Variants in ZNF236 observed in about 807,000 individuals in gnomAD.
The protein encoded by ZNF236 is regulated by glucose.
ZNF236 carries 50 observed loss-of-function variants against 191.2 expected under a neutral mutation model. That is an observed-to-expected ratio of 0.26 (90% confidence interval 0.21 to 0.33). ZNF236 has a LOEUF of 0.33. Among genes scored for constraint, ZNF236 ranks in the 10% least tolerant of loss-of-function variants. The pLI is 1.00. For synonymous variants in ZNF236, 907 were observed against 928.8 expected (o/e 0.98, Z 0.43); for missense variants, 1,754 against 2,374.5 (o/e 0.74, Z 5.43).
At chr18:76,829,356 C>T (rs1251979002) in intron 1 of ZNF236, among the ~76,000 whole-genome samples, 6 of 146,622 alleles carry the variant, frequency 4.1e-5, no homozygotes, top group African/African-American at 1.5e-4. Flanking sequence ...TGGACGGAGT[C>T]TCGCTCTGTC....
chr18:76,899,180 C>T lies in ZNF236; in HGVS notation c.1852C>T (p.Pro618Ser), dbSNP rs375766383. 2.5e-6 allele frequency: 4 copies of T among 1,613,942 alleles called. No individual in the cohort carries two copies. The African/African-American group carries it at 4.0e-5, about 16-fold the overall frequency. ...TGTTGGCAAGACGAATATTCCAGTC[C>T]CTGATATTCCTTTGCAGGAACCAAT... The part of the protein sequence containing the change: ...VRVGKTNIPV[P>S]DIPLQEPILI... Residue 618 changes from proline to serine, a missense_variant, in exon 11 of 31, where the codon CCT becomes TCT. Transcript: ENST00000320610.
At chr18:76,936,261 G>A (rs1967995381) in intron 25 of ZNF236, 1 of 452,996 alleles carries the variant, frequency 2.2e-6, no homozygotes, top group Middle Eastern at 3.3e-4. Context: ...AAGTGGATGA[G>A]GAATACATGT....
At chr18:76,928,218 G>A in intron 25 of ZNF236, 112 bp downstream of exon 25, 1 of 771,164 alleles carries the variant, frequency 1.3e-6, no homozygotes. Context: ...TGCTCAATAT[G>A]TATTTATAAT....
intron 14 of ZNF236, 129 bp downstream of exon 14, chr18:76,908,702 T>G (rs921087700): frequency 1.7e-6 from 2 of 1,178,540 alleles, no homozygotes; most frequent in African/African-American, 3.0e-5. Context: ...GTGAAAGAGA[T>G]TGAATTGAGT....
intron 3 of ZNF236, among the ~76,000 whole-genome samples, chr18:76,866,859 T>C (rs955089975): frequency 2.0e-5 from 3 of 152,050 alleles, no homozygotes; most frequent in African/African-American, 7.3e-5. Context: ...CTTTTTGGCT[T>C]GCAGGAGAGA....
intron 9 of ZNF236, among the ~76,000 whole-genome samples, chr18:76,893,952 T>C (rs933192708): frequency 6.6e-6 from 1 of 152,236 alleles, no homozygotes; most frequent in Non-Finnish European, 1.5e-5. Context: ...AAGGTTTTCT[T>C]TTTCCCTAAG....
At chr18:76,860,845 G>A (rs1466313794) in intron 3 of ZNF236, among the ~76,000 whole-genome samples, 1 of 152,132 alleles carries the variant, frequency 6.6e-6, no homozygotes, top group African/African-American at 2.4e-5. Context: ...CCTGCTTCTG[G>A]TTTCTCCCTT....
chr18:76,939,387 G>T (rs1010288293), intron 26 of ZNF236, among the ~76,000 whole-genome samples: 7 of 152,086 alleles, frequency 4.6e-5, no homozygotes, highest in Non-Finnish European at 1.0e-4. Context: ...TAAATGACTG[G>T]GGTGTGCTTT....
chr18:76,895,837 C>T (rs1977389056), intron 10 of ZNF236, among the ~76,000 whole-genome samples: 1 of 151,394 alleles, frequency 6.6e-6, no homozygotes, highest in Non-Finnish European at 1.5e-5. Context: ...AAATACTGCC[C>T]TCAGGGACTG....
intron 1 of ZNF236, among the ~76,000 whole-genome samples, chr18:76,848,081 A>G (rs1975749419): frequency 6.6e-6 from 1 of 152,070 alleles, no homozygotes; most frequent in East Asian, 1.9e-4. Flanking sequence ...GGCTTCACCT[A>G]CCTCCTGTCT....
intron 9 of ZNF236, among the ~76,000 whole-genome samples, chr18:76,883,725 G>T (rs1735843880): frequency 6.6e-6 from 1 of 152,124 alleles, no homozygotes; most frequent in African/African-American, 2.4e-5. Context: ...ACCACACTTA[G>T]CCTGGGGACA....
At chr18:76,863,910 G>C (rs1250358729) in intron 3 of ZNF236, among the ~76,000 whole-genome samples, 1 of 152,204 alleles carries the variant, frequency 6.6e-6, no homozygotes, top group Non-Finnish European at 1.5e-5. Context: ...AGAATGGTGT[G>C]GTGGTTAATT....
chr18:76,865,090 A>G (rs1976368514), intron 3 of ZNF236, among the ~76,000 whole-genome samples: 1 of 152,220 alleles, frequency 6.6e-6, no homozygotes, highest in Admixed American at 6.5e-5. Context: ...TAATCCCAGC[A>G]CTTTGGGAGG....
In ZNF236 at chr18:76,927,792, G is replaced by T; in HGVS notation, c.4415-135G>T. 6 of 839,106 alleles carry T rather than the reference G, an allele frequency of 7.2e-6. No individual in the cohort carries two copies. The highest frequency in any genetic ancestry group is 1.1e-5 in the Non-Finnish European group (6 of 563,654). The allele number at this position is 839,106 out of a possible 1,614,324, so 52.0% of individuals were successfully genotyped here. ...CTTCTTAGACGAAGGAATTAGAGAT[G>T]ACTGATGCTTTGTTTTAAATCTTTG... On this transcript the variant is annotated intron_variant, in intron 24 of 30. Transcript: ENST00000320610. The surrounding 1 kb of genome is among the most constrained non-coding windows in gnomAD (Gnocchi z 5.4).
chr18:76,904,659 G>A lies in ZNF236; in HGVS notation c.2036+138G>A, dbSNP rs143901754. The A allele has an allele frequency of 1.7e-3, 1,130 of 682,770 alleles. 3 individuals carry two copies. Among genetic ancestry groups the A allele is most frequent in the Non-Finnish European group, 2.0e-3 (933 of 471,474 alleles). 42.3% of individuals were successfully genotyped at this position (682,770 alleles called of 1,614,324 possible). A position where few individuals can be genotyped will look rare whatever the true frequency, so the allele number is the denominator to read the frequency against. Reference sequence around the variant, plus strand: ...CACATTTGACTCCAAAACATTTATTGGTAATTAATATTTTTATTCTTTAAT... The same window carrying A: ...CACATTTGACTCCAAAACATTTATTAGTAATTAATATTTTTATTCTTTAAT... On this transcript the variant is annotated intron_variant, in intron 12 of 30. Coordinates refer to ENST00000320610, the MANE Select transcript of ZNF236 (RefSeq NM_001306089.2).
chr18:76,881,648 G>A (rs2122648575), intron 9 of ZNF236, 136 bp downstream of exon 9: 1 of 780,242 alleles, frequency 1.3e-6, no homozygotes. Context: ...GTAGTTGGTT[G>A]GTATTTAAAA....
rs1312871663 is a variant in ZNF236, at chr18:76,877,380, C to CCCAGCTACTTGGGAG, written c.841-629_841-628insCCAGCTACTTGGGAG. ...AAAATTAGCTGGGCACGATGGCAGG[C>CCCAGCTACTTGGGAG]GCCTGTAATCCCAGCTACTTGGGAG... On this transcript the variant is annotated intron_variant, in intron 6 of 30. Transcript: ENST00000320610. Among the ~76,000 whole-genome samples the CCCAGCTACTTGGGAG allele has an allele frequency of 3.9e-5, 6 of 151,982 alleles. No individual in the cohort carries two copies. In the East Asian group the frequency reaches 1.2e-3, roughly 29 times the overall value.
intron 4 of ZNF236, among the ~76,000 whole-genome samples, chr18:76,870,618 A>C (rs758546056): frequency 1.3e-5 from 2 of 152,162 alleles, no homozygotes; most frequent in African/African-American, 2.4e-5. Flanking sequence ...AAAGAAGGAC[A>C]GTGGGATGGG....
chr18:76,933,377 G>A (rs113844865), intron 25 of ZNF236, among the ~76,000 whole-genome samples: 27 of 152,122 alleles, frequency 1.8e-4, no homozygotes, highest in African/African-American at 6.5e-4. Context: ...GGCTGAGGCA[G>A]GAGAATCGCC....
Sources: allele counts gnomAD v4.1 joint callset (sites outside exome capture counted in the v4.1 genomes callset), GRCh38; gene constraint gnomAD v4.1.1; non-coding constraint Gnocchi (gnomAD v3.1); transcripts MANE v1.5; gene names NCBI Gene and HGNC (gene_info 2026-07-23, HGNC 2026-07-21).